GTPBP6: variants seen among roughly 807,000 people sequenced by gnomAD.
GTPBP6 encodes GTP binding protein 6.
In GTPBP6, 33 loss-of-function variants were observed where a neutral mutation model predicts 28.9. The ratio of observed to expected loss-of-function variants is 1.14; its 90% confidence interval spans 0.87 to 1.53. GTPBP6 has a LOEUF of 1.53. GTPBP6 is among the 40% of genes most tolerant of loss of function. The pLI is 0.00. For synonymous variants in GTPBP6, 231 were observed against 192.7 expected (o/e 1.20, Z -1.65); for missense variants, 507 against 408.3 (o/e 1.24, Z -2.08).
intron 6 of GTPBP6, chrX:311,930 G>A (rs970798511): frequency 2.7e-5 from 16 of 583,584 alleles, no homozygotes; most frequent in African/African-American, 3.7e-5. Context: ...TGGCAATGGC[G>A]TAGATGGTGG....
chrX:315,550 G>C (rs1166084605), intron 2 of GTPBP6, among the ~76,000 whole-genome samples: 1 of 46,860 alleles, frequency 2.1e-5, no homozygotes. Flanking sequence ...ACATACACAC[G>C]CAGACACACA....
chrX:315,177 CTT>C, intron 3 of GTPBP6, 50 bp downstream of exon 3: 1 of 63,556 alleles, frequency 1.6e-5, no homozygotes, highest in Non-Finnish European at 4.1e-5. Context: ...GCGTCCCCTC[CTT>C]CATCGCGTGG....
chrX:312,947 A>G, intron 5 of GTPBP6, 23 bp from the exon 6 acceptor site: 1 of 1,601,232 alleles, frequency 6.2e-7, no homozygotes, highest in South Asian at 1.1e-5. Flanking sequence ...CGAGATGGTG[A>G]GGCGGTGAGC....
At chrX:312,192 C>A (rs1259026824) in intron 6 of GTPBP6, 1 of 410,352 alleles carries the variant, frequency 2.4e-6, no homozygotes, top group African/African-American at 2.5e-5. Flanking sequence ...GTGGTGTACA[C>A]GGGTGGATTA....
intron 1 of GTPBP6, among the ~76,000 whole-genome samples, 180 bp from the exon 2 acceptor site, chrX:317,231 A>G (rs1263370207): frequency 0.48 from 72,182 of 151,750 alleles, 17,288 homozygotes; most frequent in East Asian, 0.56. Context: ...ATCTGACGGG[A>G]GAAGGACACC....
intron 7 of GTPBP6, among the ~76,000 whole-genome samples, chrX:310,716 G>C (rs1286576198): frequency 2.6e-5 from 4 of 152,246 alleles, no homozygotes; most frequent in South Asian, 4.1e-4. Context: ...CCAGGAGCTG[G>C]GAGAGGCAGG....
In GTPBP6 at chrX:315,553, GACACACACACAC is replaced by G. The variant is rs1215331200; in HGVS notation, c.488-266_488-255del. Among the ~76,000 whole-genome samples, 499 of 110,464 alleles carry G rather than the reference GACACACACACAC, an allele frequency of 4.5e-3. 2 individuals carry two copies. Among genetic ancestry groups the G allele is most frequent in the African/African-American group, 0.015 (458 of 31,558 alleles). 72.5% of individuals were successfully genotyped at this position (110,464 alleles called of 152,430 possible). On this transcript the variant is annotated intron_variant, in intron 2 of 9. Transcript: ENST00000326153. Reference sequence around the variant, plus strand: ...AGGGACACAAACACATACACACGCAGACACACACACACACACACACACACACACACACAGTAA... The same window carrying G: ...AGGGACACAAACACATACACACGCAGACACACACACACACACACACAGTAA...
chrX:314,801 A>G, intron 4 of GTPBP6, 89 bp downstream of exon 4: 1 of 408,908 alleles, frequency 2.4e-6, no homozygotes, highest in Non-Finnish European at 4.3e-6. Flanking sequence ...TTCCTCACGC[A>G]CCCCCAGAAC....
exon 10 of GTPBP6, chrX:304,854 A>G: frequency 1.4e-6 from 2 of 1,407,456 alleles, no homozygotes; most frequent in Non-Finnish European, 1.9e-6. Flanking sequence ...GTGGATGCTC[A>G]GGCTTGGAGT....
At chrX:311,782 C>T (rs747538888) in intron 6 of GTPBP6, 155 bp from the exon 7 acceptor site, 2 of 657,876 alleles carry the variant, frequency 3.0e-6, no homozygotes, top group African/African-American at 3.6e-5. Context: ...CCGGGCCAGA[C>T]CCGACGCGTG....
chrX:318,664 T>C (rs2070484946), exon 1 of GTPBP6: 2 of 396,298 alleles, frequency 5.0e-6, no homozygotes, highest in Non-Finnish European at 8.9e-6. Flanking sequence ...CCGGGGCTCC[T>C]GCGGCCGACA....
In GTPBP6 at chrX:314,619, C is replaced by A. The variant is rs868681752; in HGVS notation, c.689+271G>T. On this transcript the variant is annotated intron_variant, in intron 4 of 9. Coordinates refer to ENST00000326153, the Ensembl canonical transcript of GTPBP6. Reference sequence around the variant, plus strand: ...TCCTGAGTAGCTGGGATTTCAGGCGCCCGCCACCACGCCCGGCTAATTTTT... The same window carrying A: ...TCCTGAGTAGCTGGGATTTCAGGCGACCGCCACCACGCCCGGCTAATTTTT... 2.0e-3 allele frequency among the ~76,000 whole-genome samples: 302 copies of A among 152,144 alleles called. 2 individuals are homozygous for A. The highest frequency in any genetic ancestry group is 7.0e-3 in the African/African-American group (290 of 41,516).
intron 1 of GTPBP6, among the ~76,000 whole-genome samples, 177 bp from the exon 2 acceptor site, chrX:317,228 G>A (rs1286722998): frequency 0.046 from 7,019 of 152,184 alleles, 353 homozygotes; most frequent in African/African-American, 0.13. Flanking sequence ...GGAATCTGAC[G>A]GGAGAAGGAC....
chrX:311,146 G>C (rs2070279221), intron 7 of GTPBP6, among the ~76,000 whole-genome samples: 1 of 120,100 alleles, frequency 8.3e-6, no homozygotes, highest in African/African-American at 3.3e-5. Flanking sequence ...GGGACACTAA[G>C]TCTGAGCCCC....
chrX:314,837 G>A (rs1438696442), intron 4 of GTPBP6, 53 bp downstream of exon 4: 10 of 400,302 alleles, frequency 2.5e-5, no homozygotes, highest in African/African-American at 1.9e-4. Flanking sequence ...ACAGAACGGA[G>A]GGGTTCCGGG....
intron 7 of GTPBP6, among the ~76,000 whole-genome samples, chrX:311,058 C>T (rs779943025): frequency 2.6e-5 from 4 of 152,210 alleles, no homozygotes; most frequent in Admixed American, 6.5e-5. Context: ...GGGCTCACGG[C>T]GGCAAGAACA....
In GTPBP6 at chrX:314,884, C is replaced by T. The variant is rs1259233507; in HGVS notation, c.689+6G>A. ...CGCTCGGCGCGGCCCAGGGGCCCCA[C>T]GATACCTGTGCAGCGGCATCTCCGC... On this transcript the variant is annotated splice_donor_region_variant and intron_variant, in intron 4 of 9. Transcript: ENST00000326153. The T allele has an allele frequency of 1.9e-3, 773 of 399,112 alleles. 7 individuals carry two copies. Among genetic ancestry groups the T allele is most frequent in the South Asian group, 3.7e-3 (29 of 7,912 alleles). The allele number at this position is 399,112 out of a possible 1,614,324, so 24.7% of individuals were successfully genotyped here. A position where few individuals can be genotyped will look rare whatever the true frequency, so the allele number is the denominator to read the frequency against.
intron 4 of GTPBP6, 31 bp downstream of exon 4, chrX:314,859 C>A: frequency 2.5e-6 from 1 of 399,606 alleles, no homozygotes; most frequent in East Asian, 3.6e-5. Context: ...GTGGACGTGA[C>A]GCTCGGCGCG....
chrX:307,742 G>A, exon 8 of GTPBP6: 2 of 1,489,286 alleles, frequency 1.3e-6, no homozygotes, highest in Non-Finnish European at 1.8e-6. Context: ...CCGGGCACGA[G>A]GTCCACCTTG....
Sources: gnomAD v4.1 joint callset for allele counts (sites outside exome capture counted in the v4.1 genomes callset) on GRCh38, gnomAD v4.1.1 for gene constraint, MANE v1.5 for transcripts, NCBI Gene and HGNC (gene_info 2026-07-23, HGNC 2026-07-21) for gene names.